Variants in VAV1 observed in about 807,000 individuals in gnomAD.
The protein encoded by VAV1 is vav guanine nucleotide exchange factor 1.
Under a neutral mutation model 128.1 loss-of-function variants are expected in VAV1, and 33 were observed. The ratio of observed to expected loss-of-function variants is 0.26; its 90% CI spans 0.20 to 0.34. VAV1 has a LOEUF of 0.34. VAV1 is among the 10% of genes least tolerant of loss of function. The pLI, the probability that VAV1 is intolerant of heterozygous loss-of-function variation, is 1.00. For missense variants in VAV1, 715 were observed against 1,093.7 expected, an observed-to-expected ratio of 0.65 and a Z score of 4.88; for synonymous variants, 394 against 409.8, an observed-to-expected ratio of 0.96 and a Z score of 0.47.
chr19:6,834,501 C>T (rs1972170302), intron 19 of VAV1, among the ~76,000 whole-genome samples: 1 of 150,834 alleles, frequency 6.6e-6, no homozygotes. Context: ...GCTCAGCCTC[C>T]CAAAGTGCTG....
chr19:6,826,914 G>T lies in VAV1; in HGVS notation c.927+203G>T. 1.7e-6 allele frequency: 1 copy of T among 595,386 alleles called. No homozygotes were observed. The allele number at this position is 595,386 out of a possible 1,614,324, so 36.9% of individuals were successfully genotyped here. A position where few individuals can be genotyped will look rare whatever the true frequency, so the allele number is the denominator to read the frequency against. ...AATGGGCTGGCCCTGGGTCTGGGCTGACCCCTGATATCAGGGTGAAGTCCT... is the reference window on the plus strand; with the variant it reads ...AATGGGCTGGCCCTGGGTCTGGGCTTACCCCTGATATCAGGGTGAAGTCCT... On this transcript the variant is annotated intron_variant, in intron 9 of 26. Transcript: ENST00000602142. The surrounding 1 kb of genome is among the most constrained non-coding windows in gnomAD (Gnocchi z 4.1).
chr19:6,825,088 T>C lies in VAV1; in HGVS notation c.690T>C (p.Pro230=). 6.2e-7 allele frequency: 1 copy of C among 1,613,344 alleles called. No homozygotes were observed. The highest frequency in any genetic ancestry group is 8.5e-7 in the Non-Finnish European group (1 of 1,180,010). Residue 230 remains proline (P), a synonymous_variant, in exon 7 of 27, where the codon CCT becomes CCC. Transcript: ENST00000602142. ...AGCCCCTGCAACGGTTCCTGAAACC[T>C]CAAGACATTGAGATCATCTTTATCA... ...FLKPLQRFLK[P]QDIEIIFINI...
At position 6,833,170 on chromosome 19, in the gene VAV1, T is replaced by A. The variant is rs750343513; in HGVS notation, c.1509-14T>A. ...GACCTTCTTTTTTTTTTTTTTTTAA[T>A]TTTCCCCTGCCAGCTCCAACATCTA... is the stretch of plus-strand genomic sequence containing the variant. On this transcript the variant is annotated splice_polypyrimidine_tract_variant and intron_variant, in intron 15 of 26. Coordinates refer to ENST00000602142, the MANE Select transcript of VAV1 (RefSeq NM_005428.4). The A allele has an allele frequency of 1.9e-6, 3 of 1,579,098 alleles. No homozygotes were observed. In the South Asian group the frequency reaches 3.5e-5, roughly 19 times the overall value.
At chr19:6,800,670 G>A (rs927067895) in intron 1 of VAV1, among the ~76,000 whole-genome samples, 2 of 151,148 alleles carry the variant, frequency 1.3e-5, no homozygotes, top group African/African-American at 4.9e-5. Flanking sequence ...TGTTGCCCAG[G>A]CTGTGCAGTG....
intron 1 of VAV1, among the ~76,000 whole-genome samples, chr19:6,775,460 G>T (rs1166471472): frequency 2.0e-5 from 3 of 152,182 alleles, no homozygotes; most frequent in Non-Finnish European, 4.4e-5. Flanking sequence ...CTGTAACAGG[G>T]AACAACGGGA....
chr19:6,785,782 T>A (rs1382557424), intron 1 of VAV1, among the ~76,000 whole-genome samples: 1 of 151,514 alleles, frequency 6.6e-6, no homozygotes, highest in Non-Finnish European at 1.5e-5. Context: ...GCCTCAGCCT[T>A]CCGAGTAGCC....
chr19:6,819,185 C>T (rs935217164), intron 1 of VAV1, among the ~76,000 whole-genome samples: 11 of 152,150 alleles, frequency 7.2e-5, no homozygotes, highest in African/African-American at 2.4e-4. Context: ...TTTTATATCA[C>T]AGAATGGAAC....
intron 18 of VAV1, 48 bp downstream of exon 18, chr19:6,833,781 C>G (rs1436103048): frequency 6.2e-7 from 1 of 1,613,774 alleles, no homozygotes; most frequent in African/African-American, 1.3e-5. Flanking sequence ...TAATGGGCAA[C>G]AGCGCGGGGA....
intron 1 of VAV1, among the ~76,000 whole-genome samples, chr19:6,795,833 G>T (rs1237552913): frequency 1.3e-5 from 2 of 152,166 alleles, no homozygotes; most frequent in African/African-American, 4.8e-5. Context: ...ACAGGCGCGT[G>T]CCACCGCGCC....
At chr19:6,783,791 C>T (rs1970824259) in intron 1 of VAV1, among the ~76,000 whole-genome samples, 1 of 152,010 alleles carries the variant, frequency 6.6e-6, no homozygotes, top group Non-Finnish European at 1.5e-5. Flanking sequence ...TTGGCCAGAA[C>T]TTGGTCACAT....
chr19:6,773,139 C>G, intron 1 of VAV1, 128 bp downstream of exon 1: 1 of 1,259,022 alleles, frequency 7.9e-7, no homozygotes. Context: ...CTTACAGGTC[C>G]AGGGCTGGCC....
At position 6,822,199 on chromosome 19, in the gene VAV1, TCCCTGAC is replaced by T. The variant is rs1404932044; in HGVS notation, c.450-20_450-14del. ...TGTGATCTGGGAGAGGTCCAAGGGA[TCCCTGAC>T]CTCACAACCCACAGCGACACGGTGG... On this transcript the variant is annotated splice_polypyrimidine_tract_variant and intron_variant, in intron 4 of 26. Transcript: ENST00000602142. The surrounding 1 kb of genome is among the most constrained non-coding windows in gnomAD (Gnocchi z 5.9). 6 of 1,560,484 alleles carry T rather than the reference TCCCTGAC, an allele frequency of 3.8e-6. No individual in the cohort carries two copies. The South Asian group carries it at 7.1e-5, about 18-fold the overall frequency.
intron 7 of VAV1, 42 bp downstream of exon 7, chr19:6,825,163 C>G: frequency 6.3e-7 from 1 of 1,596,528 alleles, no homozygotes; most frequent in Non-Finnish European, 8.5e-7. Flanking sequence ...CTGTCTAGTG[C>G]GGATAACCTG....
chr19:6,824,888 T>G (rs759437644), intron 6 of VAV1, among the ~76,000 whole-genome samples, 165 bp from the exon 7 acceptor site: 2 of 152,182 alleles, frequency 1.3e-5, no homozygotes, highest in Non-Finnish European at 2.9e-5. Flanking sequence ...TTTCCGCTTT[T>G]GGGTTATTAT....
At chr19:6,806,443 C>A (rs1568295374) in intron 1 of VAV1, among the ~76,000 whole-genome samples, 2 of 152,156 alleles carry the variant, frequency 1.3e-5, no homozygotes, top group East Asian at 3.9e-4. Flanking sequence ...GAGAAGCAAA[C>A]TCGTATGTGG....
chr19:6,836,483 C>T lies in VAV1; in HGVS notation c.1829C>T (p.Pro610Leu). Residue 610 changes from proline (P) to leucine (L), a missense_variant, in exon 20 of 27, where the codon CCT becomes CTT. By Grantham distance (98) the Pro-to-Leu change is moderately conservative. Coordinates refer to ENST00000602142, the MANE Select transcript of VAV1 (RefSeq NM_005428.4). ...FQEYYGLPPP[P>L]GAIGPFLRLN... Reference sequence around the variant, plus strand: ...GAATACTACGGGCTTCCTCCACCCCCTGGAGCCATTGGACCCTTTCTACGG... The same window carrying T: ...GAATACTACGGGCTTCCTCCACCCCTTGGAGCCATTGGACCCTTTCTACGG... 6.2e-7 allele frequency: 1 copy of T among 1,614,110 alleles called. No individual in the cohort carries two copies. Among genetic ancestry groups the T allele is most frequent in the East Asian group, 2.2e-5 (1 of 44,876 alleles).
chr19:6,827,095 T>C, intron 9 of VAV1: 1 of 234,650 alleles, frequency 4.3e-6, no homozygotes. Flanking sequence ...TGAACTGAAC[T>C]TCAACCTGGA....
intron 1 of VAV1, among the ~76,000 whole-genome samples, chr19:6,776,159 CCCATCCATCCATCCATCCAT>C (rs56714339): frequency 7.7e-6 from 1 of 130,230 alleles, no homozygotes; most frequent in Non-Finnish European, 1.6e-5. Flanking sequence ...CATCTATCCA[CCCATCCATCCATCCATCCAT>C]CCATCCATCC....
intron 1 of VAV1, among the ~76,000 whole-genome samples, chr19:6,814,690 T>TCTCTCTCTCTCTCTCTC (rs1568299311): frequency 1.6e-5 from 2 of 123,134 alleles, no homozygotes; most frequent in African/African-American, 7.4e-5. Context: ...CTTTCTTTCT[T>TCTCTCTCTCTCTCTCTC]TCTTTCTTTC....
Sources: allele counts gnomAD v4.1 joint callset (sites outside exome capture counted in the v4.1 genomes callset), GRCh38; gene constraint gnomAD v4.1.1; non-coding constraint Gnocchi (gnomAD v3.1); transcripts MANE v1.5; gene names NCBI Gene and HGNC (gene_info 2026-07-23, HGNC 2026-07-21).